The following PTH1R variants were observed in gnomAD, a reference collection of about 807,000 sequenced individuals.
The protein encoded by PTH1R is parathyroid hormone/parathyroid hormone-related peptide receptor.
In PTH1R, 32 loss-of-function variants were observed where a neutral mutation model predicts 70.7. The observed-to-expected ratio is 0.45, with a 90% CI of 0.34 to 0.61. The LOEUF (loss-of-function observed/expected upper bound fraction) is 0.61. Ranked by LOEUF, PTH1R falls within the 20% of genes least tolerant of loss-of-function variation. The probability of loss-of-function intolerance (pLI) is 0.01; values close to 1 mark genes in which losing one functional copy is unlikely to be tolerated. For synonymous variants in PTH1R, 329 were observed against 324.8 expected (o/e 1.01, Z -0.14); for missense variants, 626 against 792.5 (o/e 0.79, Z 2.52).
At position 46,883,429 on chromosome 3, in the gene PTH1R, C is replaced by A. The variant is rs1438810932; in HGVS notation, c.-48-83C>A. 5.5e-6 allele frequency: 4 copies of A among 725,418 alleles called. No homozygotes were observed. The highest frequency in any genetic ancestry group is 7.4e-6 in the Non-Finnish European group (4 of 537,988). The allele number at this position is 725,418 out of a possible 1,614,324, so 44.9% of individuals were successfully genotyped here. A position where few individuals can be genotyped will look rare whatever the true frequency, so the allele number is the denominator to read the frequency against. On this transcript the variant is annotated intron_variant, in intron 2 of 15. Transcript: ENST00000449590. This position sits in a 1 kb window ranked among gnomAD's most constrained non-coding sequence, Gnocchi z 6.4. ...CGCGCCGGGCCCCGGGGCCTCGGGCCGCCGGGACGCCGGGGTCCCATAGGC... is the reference window on the plus strand; with the variant it reads ...CGCGCCGGGCCCCGGGGCCTCGGGCAGCCGGGACGCCGGGGTCCCATAGGC...
chr3:46,899,312 A>C lies in PTH1R; in HGVS notation c.844A>C (p.Arg282=). ...CCAGCTGGTCTCTTAGGCGGGCTGC[A>C]GGGTGGCTGTGACCTTCTTCCTTTA... The part of the protein sequence containing the change: ...ATAAAGYAGC[R]VAVTFFLYFL... Residue 282 remains arginine, a synonymous_variant, in exon 10 of 16, where the codon AGG becomes CGG. Transcript: ENST00000449590. 1 of 1,613,972 alleles carries C rather than the reference A, an allele frequency of 6.2e-7. No homozygotes were observed. The highest frequency in any genetic ancestry group is 8.5e-7 in the Non-Finnish European group (1 of 1,180,010).
chr3:46,880,283 A>G (rs1053864580), intron 1 of PTH1R: 3 of 152,338 alleles, frequency 2.0e-5, no homozygotes, highest in Non-Finnish European at 4.4e-5. Flanking sequence ...AGCAGCAAGG[A>G]CAAAGGCAGG....
At chr3:46,894,708 A>C (rs929962648) in intron 4 of PTH1R, among the ~76,000 whole-genome samples, 43 of 152,092 alleles carry the variant, frequency 2.8e-4, no homozygotes, top group African/African-American at 9.9e-4. Flanking sequence ...AAATGAGCAC[A>C]GTCATTCTCA....
At chr3:46,890,548 G>A (rs2031354566) in intron 3 of PTH1R, among the ~76,000 whole-genome samples, 1 of 141,202 alleles carries the variant, frequency 7.1e-6, no homozygotes, top group Non-Finnish European at 1.5e-5. Flanking sequence ...TTGTTGCCCA[G>A]GCTAGAGTGC....
chr3:46,877,911 G>A (rs1358295543), intron 1 of PTH1R, 68 bp downstream of exon 1: 2 of 152,298 alleles, frequency 1.3e-5, no homozygotes, highest in Non-Finnish European at 2.9e-5. Flanking sequence ...TGGTTTCCCT[G>A]GGGGTGAGTG....
Position 46,879,471 on chromosome 3 carries a change from G to A in PTH1R, c.-105-1591G>A, listed in dbSNP as rs556739742. Among the ~76,000 whole-genome samples, 20 of 152,338 alleles carry A rather than the reference G, an allele frequency of 1.3e-4. No homozygotes were observed. The highest frequency in any genetic ancestry group is 6.5e-4 in the Admixed American group (10 of 15,304). ...AGAAACAGAGGCATAGGCCAGGTGCGGTGGTTCATGCCTGTAATCCCAGCA... is the reference window on the plus strand; with the variant it reads ...AGAAACAGAGGCATAGGCCAGGTGCAGTGGTTCATGCCTGTAATCCCAGCA... On this transcript the variant is annotated intron_variant, in intron 1 of 15. Transcript: ENST00000449590. This position sits in a 1 kb window ranked among gnomAD's most constrained non-coding sequence, Gnocchi z 4.7.
Position 46,892,244 on chromosome 3 carries a change from G to A in PTH1R, c.76-1663G>A, listed in dbSNP as rs752505349. On this transcript the variant is annotated intron_variant, in intron 3 of 15. Coordinates refer to ENST00000449590, the MANE Select transcript of PTH1R (RefSeq NM_000316.3). This position sits in a 1 kb window ranked among gnomAD's most constrained non-coding sequence, Gnocchi z 5.2. ...CTCAGGGTCCACCTCAGCCCCCAGA[G>A]ACACCAGAAGCACGGGCCACCCACA... 3.9e-5 allele frequency among the ~76,000 whole-genome samples: 6 copies of A among 152,176 alleles called. No homozygotes were observed. The highest frequency in any genetic ancestry group is 2.0e-4 in the Admixed American group (3 of 15,284).
intron 1 of PTH1R, among the ~76,000 whole-genome samples, chr3:46,878,827 C>T (rs2030386559): frequency 6.6e-6 from 1 of 152,134 alleles, no homozygotes; most frequent in Non-Finnish European, 1.5e-5. Flanking sequence ...TACTGCAGTT[C>T]TGAGATCCAG....
intron 3 of PTH1R, among the ~76,000 whole-genome samples, chr3:46,890,454 C>G (rs1254727667): frequency 6.6e-6 from 1 of 150,672 alleles, no homozygotes; most frequent in Non-Finnish European, 1.5e-5. Flanking sequence ...TTCACCCCTG[C>G]ACAGGCTTGT....
Position 46,883,754 on chromosome 3 carries a change from C to A in PTH1R, c.75+120C>A. On this transcript the variant is annotated intron_variant, in intron 3 of 15. Transcript: ENST00000449590. The surrounding 1 kb of genome is among the most constrained non-coding windows in gnomAD (Gnocchi z 6.4). ...GTAGTTCGAACTTTGGGTGAGAGTCCCCTCTGATCCAGGATCCTGGGTGCC... is the reference window on the plus strand; with the variant it reads ...GTAGTTCGAACTTTGGGTGAGAGTCACCTCTGATCCAGGATCCTGGGTGCC... 8.6e-7 allele frequency: 1 copy of A among 1,156,254 alleles called. No homozygotes were observed. The highest frequency in any genetic ancestry group is 1.2e-6 in the Non-Finnish European group (1 of 812,510). The allele number at this position is 1,156,254 out of a possible 1,614,324, so 71.6% of individuals were successfully genotyped here. A position where few individuals can be genotyped will look rare whatever the true frequency, so the allele number is the denominator to read the frequency against.
Position 46,884,709 on chromosome 3 carries a change from C to T in PTH1R, c.75+1075C>T, listed in dbSNP as rs992719423. Among the ~76,000 whole-genome samples, 1 of 152,220 alleles carries T rather than the reference C, an allele frequency of 6.6e-6. No homozygotes were observed. The highest frequency in any genetic ancestry group is 2.4e-5 in the African/African-American group (1 of 41,446). On this transcript the variant is annotated intron_variant, in intron 3 of 15. Coordinates refer to ENST00000449590, the MANE Select transcript of PTH1R (RefSeq NM_000316.3). The surrounding 1 kb of genome is among the most constrained non-coding windows in gnomAD (Gnocchi z 4.8). ...CCTCCTGACCAGCAGCAGCTCCCTA[C>T]ACGGGGCAGAGCTCCAGGCAGTTCC...
chr3:46,903,195 G>A lies in PTH1R; in HGVS notation c.1396-75G>A. ...CTATTCCCATTTTCATTCCGTGCTG[G>A]GTGTCCAGGGGCCGGGATGGGGCAT... On this transcript the variant is annotated intron_variant, in intron 15 of 15. Transcript: ENST00000449590. The surrounding 1 kb of genome is among the most constrained non-coding windows in gnomAD (Gnocchi z 4.4). The A allele has an allele frequency of 1.3e-6, 2 of 1,589,632 alleles. No individual in the cohort carries two copies. The highest frequency in any genetic ancestry group is 1.7e-6 in the Non-Finnish European group (2 of 1,170,032).
At position 46,891,982 on chromosome 3, in the gene PTH1R, G is replaced by T. The variant is rs1028672491; in HGVS notation, c.76-1925G>T. Among the ~76,000 whole-genome samples the T allele has an allele frequency of 6.6e-6, 1 of 152,100 alleles. No homozygotes were observed. The highest frequency in any genetic ancestry group is 1.5e-5 in the Non-Finnish European group (1 of 68,012). Reference sequence around the variant, plus strand: ...AGGGATCAGCCCCCTCACCAGCATGGATCCCCCATGTCAGAGGCACAGGGA... The same window carrying T: ...AGGGATCAGCCCCCTCACCAGCATGTATCCCCCATGTCAGAGGCACAGGGA... On this transcript the variant is annotated intron_variant, in intron 3 of 15. Transcript: ENST00000449590. This position sits in a 1 kb window ranked among gnomAD's most constrained non-coding sequence, Gnocchi z 4.3.
chr3:46,898,310 C>G, intron 7 of PTH1R, 68 bp from the exon 8 acceptor site: 2 of 1,584,272 alleles, frequency 1.3e-6, no homozygotes, highest in South Asian at 1.1e-5. Flanking sequence ...ACCCTGGCCT[C>G]TTGCTCTTAC....
Position 46,901,526 on chromosome 3 carries a change from G to T in PTH1R, c.1116+46G>T. ...GGCCACAGGGGTGGGTGGGATGTGC[G>T]CCTGCGTCCCCTGGAACCAGCCCCT... On this transcript the variant is annotated intron_variant, in intron 12 of 15. Coordinates refer to ENST00000449590, the MANE Select transcript of PTH1R (RefSeq NM_000316.3). The surrounding 1 kb of genome is among the most constrained non-coding windows in gnomAD (Gnocchi z 7.3). 1 of 1,548,810 alleles carries T rather than the reference G, an allele frequency of 6.5e-7. No individual in the cohort carries two copies. Among genetic ancestry groups the T allele is most frequent in the Non-Finnish European group, 8.7e-7 (1 of 1,144,582 alleles).
Position 46,883,680 on chromosome 3 carries a change from C to CAA in PTH1R, c.75+46_75+47insAA. The CAA allele has an allele frequency of 1.3e-6, 2 of 1,543,000 alleles. No individual in the cohort carries two copies. Among genetic ancestry groups the CAA allele is most frequent in the Non-Finnish European group, 1.7e-6 (2 of 1,145,352 alleles). The stretch of plus-strand genomic sequence containing the variant: ...ACTCCGGGACAGGCTGCGGGCTTAC[C>CAA]CTAGGGTCCGCGGGATAGGTCTAAG... On this transcript the variant is annotated intron_variant, in intron 3 of 15. Coordinates refer to ENST00000449590, the MANE Select transcript of PTH1R (RefSeq NM_000316.3). The surrounding 1 kb of genome is among the most constrained non-coding windows in gnomAD (Gnocchi z 6.4).
At chr3:46,898,641 G>T in intron 8 of PTH1R, 21 bp from the exon 9 acceptor site, 3 of 1,610,862 alleles carry the variant, frequency 1.9e-6, no homozygotes, top group East Asian at 2.2e-5. Context: ...CCCACCCACG[G>T]TCATGTCGCG....
intron 5 of PTH1R, among the ~76,000 whole-genome samples, chr3:46,897,565 C>A (rs2031823658): frequency 6.6e-6 from 1 of 152,088 alleles, no homozygotes; most frequent in African/African-American, 2.4e-5. Flanking sequence ...AACCCCATCT[C>A]TACTAAAAAT....
In PTH1R at chr3:46,892,786, C is replaced by T. The variant is rs1559532031; in HGVS notation, c.76-1121C>T. On this transcript the variant is annotated intron_variant, in intron 3 of 15. Transcript: ENST00000449590. This position sits in a 1 kb window ranked among gnomAD's most constrained non-coding sequence, Gnocchi z 5.2. Reference sequence around the variant, plus strand: ...GCGCGTCTGAAGGATGCAGCTCTGCCGCGGAGCTGAGGAGACGTAGCCTTC... The same window carrying T: ...GCGCGTCTGAAGGATGCAGCTCTGCTGCGGAGCTGAGGAGACGTAGCCTTC... 1 of 985,658 alleles carries T rather than the reference C, an allele frequency of 1.0e-6. No individual in the cohort carries two copies. The highest frequency in any genetic ancestry group is 1.2e-6 in the Non-Finnish European group (1 of 830,200). 61.1% of individuals were successfully genotyped at this position (985,658 alleles called of 1,614,324 possible).
Sources: allele counts gnomAD v4.1 joint callset (sites outside exome capture counted in the v4.1 genomes callset), GRCh38; gene constraint gnomAD v4.1.1; non-coding constraint Gnocchi (gnomAD v3.1); transcripts MANE v1.5; gene names NCBI Gene and HGNC (gene_info 2026-07-23, HGNC 2026-07-21).